ABR: variants seen among roughly 807,000 people sequenced by gnomAD.
ABR encodes the protein ABR activator of RhoGEF and GTPase, also known as active breakpoint cluster region-related protein.
A neutral mutation model predicts 107.2 loss-of-function variants in ABR; 35 were observed. The ratio of observed to expected loss-of-function variants is 0.33; its 90% CI spans 0.25 to 0.43. The LOEUF is 0.43. Among genes scored for constraint, ABR ranks in the 20% least tolerant of loss-of-function variants. The pLI is 1.00. For synonymous variants in ABR, 498 were observed against 462.0 expected, an observed-to-expected ratio of 1.08 and a Z score of -1.00; for missense variants, 815 against 1,115.2, an observed-to-expected ratio of 0.73 and a Z score of 3.83.
chr17:1,012,023 C>T (rs373450471), intron 18 of ABR, 38 bp from the exon 19 acceptor site: 4 of 1,608,700 alleles, frequency 2.5e-6, no homozygotes, highest in African/African-American at 2.7e-5. Flanking sequence ...GGGCAGCCCC[C>T]ACGACAGCTC....
At chr17:1,213,515 G>C (rs1336800076) in intron 1 of ABR, among the ~76,000 whole-genome samples, 3 of 152,100 alleles carry the variant, frequency 2.0e-5, no homozygotes, top group Non-Finnish European at 4.4e-5. Flanking sequence ...TCAGCCTCCT[G>C]AGTAGCTTGG....
At chr17:1,076,726 G>GGGCGGGC in intron 6 of ABR, among the ~76,000 whole-genome samples, 2 of 99,556 alleles carry the variant, frequency 2.0e-5, no homozygotes, top group South Asian at 7.7e-4. Flanking sequence ...GGGGGGGTGG[G>GGGCGGGC]GGTGGGGGGG....
intron 5 of ABR, chr17:1,083,123 CAAAA>C (rs71148427): frequency 1.1e-4 from 7 of 65,600 alleles, no homozygotes; most frequent in South Asian, 5.2e-4. Flanking sequence ...GACTCTGTCT[CAAAA>C]AAAAAAAAAA....
intron 16 of ABR, among the ~76,000 whole-genome samples, chr17:1,033,003 C>CA (rs35140812): frequency 6.6e-6 from 1 of 152,166 alleles, no homozygotes; most frequent in Non-Finnish European, 1.5e-5. Flanking sequence ...GACAGGGGGT[C>CA]AGGAGGTCCA....
At chr17:1,195,167 C>T (rs1019753876) in intron 1 of ABR, among the ~76,000 whole-genome samples, 4 of 148,566 alleles carry the variant, frequency 2.7e-5, no homozygotes, top group African/African-American at 4.9e-5. Flanking sequence ...ATTAGCCGGG[C>T]GCAGTGGCGG....
chr17:1,063,963 C>T (rs1224173907), intron 10 of ABR, among the ~76,000 whole-genome samples: 41 of 144,786 alleles, frequency 2.8e-4, no homozygotes, highest in Middle Eastern at 3.8e-3. Context: ...GAACTGAGGG[C>T]TATGCATGTT....
In ABR at chr17:1,010,779, G is replaced by A; in HGVS notation, c.2186C>T (p.Pro729Leu). The change falls in exon 20 of 23, where the codon CCC (proline) becomes CTC (leucine). Residue 729 changes from proline to leucine, a missense_variant. Physicochemically the swap from Pro to Leu is moderately conservative, Grantham distance 98 (BLOSUM62 -3). This residue lies in a region of ABR where 175 missense variants were observed against 284.3 expected (regional missense o/e 0.62). Coordinates refer to ENST00000302538, the MANE Select transcript of ABR (RefSeq NM_021962.5). The surrounding 1 kb of genome is among the most constrained non-coding windows in gnomAD (Gnocchi z 4.1). The part of the protein sequence containing the change: ...GTLKLYFREL[P>L]EPLLTDRLYP... ...GAGTCGGTCCGTGAGGAGCGGCTCG[G>A]GCAGTTCCCGGAAGTACAGCTTGAG... The A allele has an allele frequency of 6.2e-7, 1 of 1,613,766 alleles. No homozygotes were observed. The highest frequency in any genetic ancestry group is 8.5e-7 in the Non-Finnish European group (1 of 1,180,022).
chr17:1,015,475 A>G (rs1314323475), intron 16 of ABR, among the ~76,000 whole-genome samples: 1 of 149,730 alleles, frequency 6.7e-6, no homozygotes. Context: ...TATTTTTTTG[A>G]GACAGAGTTT....
chr17:1,171,949 G>A (rs1448405126), intron 1 of ABR, among the ~76,000 whole-genome samples: 1 of 152,066 alleles, frequency 6.6e-6, no homozygotes, highest in African/African-American at 2.4e-5. Context: ...GAAGAAAGAG[G>A]GGAGTGGCAC....
chr17:1,050,548 T>C lies in ABR; in HGVS notation c.1648A>G (p.Lys550Glu). Residue 550 changes from lysine (K) to glutamate (E), a missense_variant, in exon 15 of 23, where the codon AAG becomes GAG. Lys to Glu is a moderately conservative substitution (Grantham distance 56, BLOSUM62 1). This residue lies in a region of ABR where 385 missense variants were observed against 596.9 expected (regional missense o/e 0.64). Coordinates refer to ENST00000302538, the MANE Select transcript of ABR (RefSeq NM_021962.5). The surrounding 1 kb of genome is among the most constrained non-coding windows in gnomAD (Gnocchi z 4.6). ...CCCCTGCCACTCACCTCATCCCACT[T>C]GGGCTCCGCTGTGTCCCGGAACACC... ...TRVFRDTAEP[K>E]WDEEFEIELE... is the part of the protein sequence containing the mutation. 1 of 1,613,892 alleles carries C rather than the reference T, an allele frequency of 6.2e-7. No homozygotes were observed. The highest frequency in any genetic ancestry group is 1.1e-5 in the South Asian group (1 of 91,074).
Position 1,070,173 on chromosome 17 carries a change from C to A in ABR, c.895-83G>T. On this transcript the variant is annotated intron_variant, in intron 8 of 22. Transcript: ENST00000302538. This position sits in a 1 kb window ranked among gnomAD's most constrained non-coding sequence, Gnocchi z 4.2. ...GCCTGCACACGGGGGCACGGCCAGC[C>A]AGGGAGGACTGGACCGAGAGGCGGC... The A allele has an allele frequency of 6.4e-7, 1 of 1,570,798 alleles. No individual in the cohort carries two copies. The highest frequency in any genetic ancestry group is 1.2e-5 in the South Asian group (1 of 86,484).
chr17:1,013,851 G>T (rs966392639), intron 16 of ABR, among the ~76,000 whole-genome samples: 1 of 152,212 alleles, frequency 6.6e-6, no homozygotes, highest in Admixed American at 6.5e-5. Context: ...GCGGACCCCA[G>T]GGGAGGTCAG....
rs566018304 is a variant in ABR, at chr17:1,019,768, C to T, written c.1792-6604G>A. Reference sequence around the variant, plus strand: ...ATTAGCACCGGGGTGGAGGGGCTGGCCCCTGGGACGTTGGTGGATGGGACA... The same window carrying T: ...ATTAGCACCGGGGTGGAGGGGCTGGTCCCTGGGACGTTGGTGGATGGGACA... On this transcript the variant is annotated intron_variant, in intron 16 of 22. Transcript: ENST00000302538. 8.1e-4 allele frequency among the ~76,000 whole-genome samples: 124 copies of T among 152,378 alleles called. 1 individual carries two copies. Among genetic ancestry groups the T allele is most frequent in the African/African-American group, 2.6e-3 (110 of 41,594 alleles).
At chr17:1,156,138 C>T (rs2041032099) in intron 1 of ABR, 1 of 151,350 alleles carries the variant, frequency 6.6e-6, no homozygotes, top group Non-Finnish European at 1.5e-5. Context: ...ATTCAGACAC[C>T]CATGCCCACC....
At chr17:1,215,726 G>A (rs1038119267) in intron 1 of ABR, among the ~76,000 whole-genome samples, 1 of 151,596 alleles carries the variant, frequency 6.6e-6, no homozygotes, top group Non-Finnish European at 1.5e-5. Context: ...CGGTTTTGTC[G>A]AATAGAAAAG....
At chr17:1,136,746 G>A (rs1470134409) in intron 1 of ABR, among the ~76,000 whole-genome samples, 1 of 152,194 alleles carries the variant, frequency 6.6e-6, no homozygotes, top group Non-Finnish European at 1.5e-5. Context: ...GACTTGCAGA[G>A]TGCGAGGGCC....
upstream of ABR, among the ~76,000 whole-genome samples, chr17:1,188,274 G>A (rs1238589280): frequency 1.3e-5 from 2 of 152,160 alleles, no homozygotes; most frequent in East Asian, 3.9e-4. Flanking sequence ...CAATAGGCCA[G>A]CTGCAGTGGC....
intron 1 of ABR, among the ~76,000 whole-genome samples, chr17:1,192,881 T>C (rs1321646266): frequency 6.6e-6 from 1 of 152,144 alleles, no homozygotes; most frequent in Non-Finnish European, 1.5e-5. Flanking sequence ...AAACCCCCTC[T>C]CTACTAAAAA....
intron 1 of ABR, among the ~76,000 whole-genome samples, chr17:1,195,620 CGGT>C (rs1567882799): frequency 6.6e-6 from 1 of 150,882 alleles, no homozygotes. Flanking sequence ...CTGGCTAACA[CGGT>C]GAAACCCCGT....
Sources: allele counts gnomAD v4.1 joint callset (sites outside exome capture counted in the v4.1 genomes callset), GRCh38; gene constraint gnomAD v4.1.1; regional missense constraint gnomAD v4.1.1; non-coding constraint Gnocchi (gnomAD v3.1); transcripts MANE v1.5; gene names NCBI Gene and HGNC (gene_info 2026-07-23, HGNC 2026-07-21).